The following STPG1 variants were observed in gnomAD, a reference collection of about 807,000 sequenced individuals.
The protein encoded by STPG1 is sperm tail PG-rich repeat containing 1, also known as O(6)-methylguanine-induced apoptosis 2.
STPG1 carries 33 observed loss-of-function variants against 40.1 expected under a neutral mutation model. That is an observed-to-expected ratio of 0.82 (90% CI 0.62 to 1.10). The LOEUF (loss-of-function observed/expected upper bound fraction) is 1.10, where lower values mean the gene tolerates loss of function less well. STPG1 is among the 50% of genes least tolerant of loss of function. The pLI, the probability that STPG1 is intolerant of heterozygous loss-of-function variation, is 0.00. For synonymous variants in STPG1, 150 were observed against 155.0 expected, an observed-to-expected ratio of 0.97 and a Z score of 0.24; for missense variants, 396 against 415.1, an observed-to-expected ratio of 0.95 and a Z score of 0.40.
chr1:24,382,323 ATT>A (rs1642322499), intron 4 of STPG1, among the ~76,000 whole-genome samples: 2 of 152,246 alleles, frequency 1.3e-5, no homozygotes, highest in Non-Finnish European at 2.9e-5. Flanking sequence ...TGCAGGAAGT[ATT>A]GTTTGTGACT....
chr1:24,362,931 C>T lies in STPG1; in HGVS notation c.738-1890G>A, dbSNP rs539846430. Reference sequence around the variant, plus strand: ...TTACAGGGTGTAATCAACAACCTCTCCCCTTATAAATAAAAGCTGGCTTCT... The same window carrying T: ...TTACAGGGTGTAATCAACAACCTCTTCCCTTATAAATAAAAGCTGGCTTCT... On this transcript the variant is annotated intron_variant, in intron 7 of 8. Transcript: ENST00000337248. 3.3e-5 allele frequency among the ~76,000 whole-genome samples: 5 copies of T among 152,356 alleles called. No individual in the cohort carries two copies. In the South Asian group the frequency reaches 1.0e-3, roughly 32 times the overall value.
chr1:24,406,284 A>C (rs1284860864), intron 1 of STPG1, among the ~76,000 whole-genome samples: 1 of 152,142 alleles, frequency 6.6e-6, no homozygotes, highest in African/African-American at 2.4e-5. Context: ...ATGTTACTTC[A>C]CATATAATGT....
rs761620506 is a variant in STPG1, at chr1:24,369,710, C to T, written c.701G>A (p.Ser234Asn). 12 of 1,606,444 alleles carry T rather than the reference C, an allele frequency of 7.5e-6. 1 individual carries two copies. In the Middle Eastern group the frequency reaches 6.6e-4, roughly 89 times the overall value. Residue 234 changes from serine to asparagine, a missense_variant, in exon 7 of 9, where the codon AGT (serine) becomes AAT (asparagine). Coordinates refer to ENST00000337248, the MANE Select transcript of STPG1 (RefSeq NM_001199013.2). ...TGPGPGYYNP[S>N]DCTKVPKKTL... ...CTTTTTTGGAACTTTTGTGCAATCA[C>T]TGGGGTTGTAATAACCAGGTCCCGG... is the stretch of plus-strand genomic sequence containing the variant.
At chr1:24,385,636 A>G (rs545417235) in intron 3 of STPG1, among the ~76,000 whole-genome samples, 11 of 152,336 alleles carry the variant, frequency 7.2e-5, no homozygotes, top group African/African-American at 2.6e-4. Context: ...CAAAAGAGAT[A>G]AGGCCCACAT....
At chr1:24,392,834 G>C (rs1204671522) in intron 2 of STPG1, among the ~76,000 whole-genome samples, 1 of 143,472 alleles carries the variant, frequency 7.0e-6, no homozygotes, top group Non-Finnish European at 1.5e-5. Flanking sequence ...AACCTTCAGA[G>C]AGGAAATACG....
intron 2 of STPG1, chr1:24,392,126 C>T: frequency 1.0e-6 from 1 of 981,854 alleles, no homozygotes. Context: ...GAAATCCCAG[C>T]CTGGGGCTGG....
In STPG1 at chr1:24,401,314, T is replaced by G; in HGVS notation, c.70+5A>C. ...GCTATCTCCTCCCTGCAAAGACACA[T>G]GTACCTTTCTGTACTTCACTGGCAC... On this transcript the variant is annotated splice_donor_5th_base_variant and intron_variant, in intron 2 of 8. Transcript: ENST00000337248. 6.2e-7 allele frequency: 1 copy of G among 1,613,890 alleles called. No homozygotes were observed. The highest frequency in any genetic ancestry group is 8.5e-7 in the Non-Finnish European group (1 of 1,179,820).
At chr1:24,407,980 G>T (rs1443799524) in intron 1 of STPG1, among the ~76,000 whole-genome samples, 1 of 152,022 alleles carries the variant, frequency 6.6e-6, no homozygotes, top group Non-Finnish European at 1.5e-5. Context: ...GTTCCTATTG[G>T]TTGATTTTCC....
At chr1:24,388,120 G>A (rs550934528) in intron 3 of STPG1, among the ~76,000 whole-genome samples, 8 of 152,284 alleles carry the variant, frequency 5.3e-5, no homozygotes, top group Admixed American at 2.6e-4. Flanking sequence ...AAGGGATGAG[G>A]TGTAGAACCA....
chr1:24,392,031 G>C, intron 2 of STPG1: 2 of 1,041,392 alleles, frequency 1.9e-6, no homozygotes, highest in Non-Finnish European at 2.3e-6. Context: ...GACGAGGCGC[G>C]GTCAGGACAG....
At chr1:24,397,631 T>C (rs1643060192) in intron 2 of STPG1, among the ~76,000 whole-genome samples, 1 of 152,142 alleles carries the variant, frequency 6.6e-6, no homozygotes, top group Non-Finnish European at 1.5e-5. Flanking sequence ...ATCAATATAA[T>C]TCATCATATT....
chr1:24,360,970 C>CCAG lies in STPG1; in HGVS notation c.806_808dup (p.Pro269_Gly270insAla), dbSNP rs771234785. 12 of 1,613,764 alleles carry CCAG rather than the reference C, an allele frequency of 7.4e-6. No individual in the cohort carries two copies. The East Asian group carries it at 2.7e-4, about 36-fold the overall frequency. On this transcript the variant is annotated inframe_insertion, in exon 8 of 9. Transcript: ENST00000337248. ...TAAGTAGTCCACGATCTCATACTGA[C>CCAG]CAGGACCTGGGAAAGGTGGCTTCGG...
intron 7 of STPG1, among the ~76,000 whole-genome samples, chr1:24,365,246 G>C (rs1264993731): frequency 1.2e-4 from 18 of 152,162 alleles, no homozygotes; most frequent in Non-Finnish European, 2.6e-4. Context: ...TGACAAGACA[G>C]CGTGTCTGTG....
At chr1:24,364,566 A>T (rs1395701105) in intron 7 of STPG1, 2 of 950,492 alleles carry the variant, frequency 2.1e-6, no homozygotes, top group African/African-American at 3.4e-5. Context: ...CCCTAGCCCT[A>T]TCCCGGGAAC....
intron 8 of STPG1, among the ~76,000 whole-genome samples, chr1:24,360,551 G>A (rs935268461): frequency 6.6e-6 from 1 of 152,160 alleles, no homozygotes; most frequent in Non-Finnish European, 1.5e-5. Flanking sequence ...GTCTATATGT[G>A]CCAATTCTTC....
intron 4 of STPG1, among the ~76,000 whole-genome samples, chr1:24,382,314 G>A (rs553599356): frequency 3.3e-5 from 5 of 152,362 alleles, no homozygotes; most frequent in Non-Finnish European, 7.3e-5. Context: ...CCTAGGTGTT[G>A]CAGGAAGTAT....
intron 7 of STPG1, among the ~76,000 whole-genome samples, chr1:24,363,089 C>A (rs560788537): frequency 6.6e-6 from 1 of 152,172 alleles, no homozygotes; most frequent in African/African-American, 2.4e-5. Context: ...TATGAGGTCA[C>A]CCCATCACTG....
intron 7 of STPG1, chr1:24,368,929 A>G (rs931709835): frequency 5.9e-6 from 1 of 168,876 alleles, no homozygotes; most frequent in Non-Finnish European, 1.3e-5. Context: ...GGTCTCGAAC[A>G]CCTGATCTCA....
At chr1:24,373,670 T>C in intron 6 of STPG1, 32 bp downstream of exon 6, 1 of 1,443,698 alleles carries the variant, frequency 6.9e-7, no homozygotes, top group South Asian at 1.1e-5. Flanking sequence ...ACTTAACCCT[T>C]AGGTCAAGGC....
Sources: gnomAD v4.1 joint callset for allele counts (sites outside exome capture counted in the v4.1 genomes callset) on GRCh38, gnomAD v4.1.1 for gene constraint, MANE v1.5 for transcripts, NCBI Gene and HGNC (gene_info 2026-07-23, HGNC 2026-07-21) for gene names.